The following NHS variants were observed in gnomAD, a reference collection of about 807,000 sequenced individuals.
The protein encoded by NHS is NHS actin remodeling regulator, also known as actin remodeling regulator NHS.
NHS carries 5 observed loss-of-function variants against 72.5 expected under a neutral mutation model. The observed-to-expected ratio is 0.07, with a 90% CI of 0.04 to 0.14. The LOEUF (loss-of-function observed/expected upper bound fraction) is 0.14. Ranked by LOEUF, NHS falls within the 10% of genes least tolerant of loss-of-function variation. The pLI, the probability that NHS is intolerant of heterozygous loss-of-function variation, is 1.00. For synonymous variants in NHS, 464 were observed against 547.7 expected, an observed-to-expected ratio of 0.85 and a Z score of 2.13; for missense variants, 1,072 against 1,355.7, an observed-to-expected ratio of 0.79 and a Z score of 3.29.
At chrX:17,417,346 A>T (rs1014869220) in intron 1 of NHS, among the ~76,000 whole-genome samples, 2 of 112,163 alleles carry the variant, frequency 1.8e-5, no homozygotes, top group African/African-American at 6.5e-5. Context: ...GGTTTTTTAA[A>T]ATTAACATAC....
At chrX:17,497,094 A>G (rs2065016473) in intron 1 of NHS, among the ~76,000 whole-genome samples, 1 of 112,344 alleles carries the variant, frequency 8.9e-6, no homozygotes, top group South Asian at 3.7e-4. Flanking sequence ...GGTTGGGTGC[A>G]CAATAGGTTC....
In NHS at chrX:17,726,134, T is replaced by C. The variant is rs779352355; in HGVS notation, c.2028T>C (p.Asn676=). The C allele has an allele frequency of 5.0e-6, 6 of 1,211,345 alleles. No individual in the cohort carries two copies. Among genetic ancestry groups the C allele is most frequent in the Non-Finnish European group, 6.7e-6 (6 of 895,091 alleles). The change falls in exon 7 of 9, where the codon AAT becomes AAC. Residue 676 remains asparagine, a synonymous_variant. Transcript: ENST00000676302. ...CACTAAACACAGCCCCTCATGCCAA[T>C]GAGGATGCCAGTGTTTTCGTGACAG... ...ELSLNTAPHA[N]EDASVFVTEQ...
intron 1 of NHS, among the ~76,000 whole-genome samples, chrX:17,475,813 C>G (rs2064914506): frequency 8.9e-6 from 1 of 112,218 alleles, no homozygotes; most frequent in Non-Finnish European, 1.9e-5. Context: ...TTCCAGCTAC[C>G]TCACTTCCCT....
At chrX:17,400,143 A>G (rs1184883401) in intron 1 of NHS, among the ~76,000 whole-genome samples, 9 of 112,221 alleles carry the variant, frequency 8.0e-5, no homozygotes. Context: ...CACAGATGAC[A>G]TAATCTTGTA....
intron 1 of NHS, among the ~76,000 whole-genome samples, chrX:17,508,737 TG>T (rs2065071341): frequency 8.9e-6 from 1 of 112,266 alleles, no homozygotes; most frequent in African/African-American, 3.2e-5. Flanking sequence ...CCCAAAGTGC[TG>T]GGATTACAAG....
intron 1 of NHS, among the ~76,000 whole-genome samples, chrX:17,401,615 A>G (rs763967919): frequency 8.9e-6 from 1 of 111,933 alleles, no homozygotes; most frequent in Non-Finnish European, 1.9e-5. Flanking sequence ...TAACAAGGCC[A>G]TGCTCTCTCT....
At chrX:17,600,402 T>C (rs1459454992) in intron 1 of NHS, among the ~76,000 whole-genome samples, 2 of 111,573 alleles carry the variant, frequency 1.8e-5, no homozygotes, top group African/African-American at 3.3e-5. Context: ...GATCAGTGTG[T>C]AAAATATTCC....
chrX:17,595,652 A>AT (rs755757542), intron 1 of NHS, among the ~76,000 whole-genome samples: 168 of 112,325 alleles, frequency 1.5e-3, no homozygotes, highest in Non-Finnish European at 2.8e-3. Flanking sequence ...AACTTGAGAC[A>AT]TTCCTAAGAG....
Position 17,718,608 on chromosome X carries a change from G to A in NHS, c.853-736G>A, listed in dbSNP as rs751207069. On this transcript the variant is annotated intron_variant, in intron 3 of 8. Transcript: ENST00000676302. ...CGGAGGGAGGAAAGAAAGAAGGAAG[G>A]AAGAAATTAGGAAGGAGGGAAGGAA... Among the ~76,000 whole-genome samples, 3 of 94,622 alleles carry A rather than the reference G, an allele frequency of 3.2e-5. No homozygotes were observed. The South Asian group carries it at 1.8e-3, about 58-fold the overall frequency. The allele number at this position is 94,622 out of a possible 115,157, so 82.2% of individuals were successfully genotyped here. A position where few individuals can be genotyped will look rare whatever the true frequency, so the allele number is the denominator to read the frequency against.
chrX:17,493,575 C>T (rs1173080306), intron 1 of NHS, among the ~76,000 whole-genome samples: 1 of 111,668 alleles, frequency 9.0e-6, no homozygotes, highest in Non-Finnish European at 1.9e-5. Context: ...CAGTACATTT[C>T]GAATGAGTGG....
intron 1 of NHS, among the ~76,000 whole-genome samples, chrX:17,384,276 C>T (rs1167083187): frequency 8.9e-6 from 1 of 112,201 alleles, no homozygotes; most frequent in Non-Finnish European, 1.9e-5. Context: ...TCTTTTCCTC[C>T]TGGCCCTGCT....
At chrX:17,675,704 C>T (rs2066075485) in intron 1 of NHS, among the ~76,000 whole-genome samples, 1 of 112,169 alleles carries the variant, frequency 8.9e-6, no homozygotes, top group Non-Finnish European at 1.9e-5. Flanking sequence ...AGAATGAATC[C>T]ATTATGGGTT....
chrX:17,391,579 G>A (rs937012231), intron 1 of NHS, among the ~76,000 whole-genome samples: 1 of 112,077 alleles, frequency 8.9e-6, no homozygotes, highest in African/African-American at 3.2e-5. Context: ...ACCCAGCCCT[G>A]TGACTTCTGA....
At chrX:17,458,773 G>A (rs2064835341) in intron 1 of NHS, among the ~76,000 whole-genome samples, 1 of 112,386 alleles carries the variant, frequency 8.9e-6, no homozygotes, top group South Asian at 3.7e-4. Context: ...GATTACAGGC[G>A]TGAGCCACCG....
intron 1 of NHS, among the ~76,000 whole-genome samples, chrX:17,533,699 A>G (rs751764198): frequency 2.7e-5 from 3 of 112,085 alleles, no homozygotes; most frequent in African/African-American, 9.7e-5. Context: ...GGTCATAGGC[A>G]TGGTCTTGGG....
At chrX:17,562,323 G>A (rs1216182298) in intron 1 of NHS, among the ~76,000 whole-genome samples, 1 of 112,207 alleles carries the variant, frequency 8.9e-6, no homozygotes, top group Admixed American at 9.4e-5. Context: ...AAAACTCAGA[G>A]TTATCCCACC....
Position 17,735,195 on chromosome X carries a change from A to G in NHS, c.*2731A>G, listed in dbSNP as rs751914336. ...CCAAATAAAGATGGATTTAAAATTC[A>G]CTGTGGAAAAGAGTATTGAGTTACA... On this transcript the variant is annotated 3_prime_UTR_variant, in exon 9 of 9. Transcript: ENST00000676302. 8.9e-6 allele frequency: 1 copy of G among 112,683 alleles called. No homozygotes were observed. Among genetic ancestry groups the G allele is most frequent in the Non-Finnish European group, 1.9e-5 (1 of 53,313 alleles). 9.3% of individuals were successfully genotyped at this position (112,683 alleles called of 1,213,427 possible). A position where few individuals can be genotyped will look rare whatever the true frequency, so the allele number is the denominator to read the frequency against.
chrX:17,443,135 T>A (rs1340651040), intron 1 of NHS, among the ~76,000 whole-genome samples: 2 of 112,443 alleles, frequency 1.8e-5, no homozygotes, highest in East Asian at 5.6e-4. Context: ...TAGATGACTT[T>A]GGCCTTTGGA....
chrX:17,559,074 G>A (rs1176285097), intron 1 of NHS, among the ~76,000 whole-genome samples: 1 of 111,917 alleles, frequency 8.9e-6, no homozygotes, highest in Non-Finnish European at 1.9e-5. Context: ...TCATGTCCAG[G>A]GTAGCAAAAG....
Sources: gnomAD v4.1 joint callset for allele counts (sites outside exome capture counted in the v4.1 genomes callset) on GRCh38, gnomAD v4.1.1 for gene constraint, MANE v1.5 for transcripts, NCBI Gene and HGNC (gene_info 2026-07-23, HGNC 2026-07-21) for gene names.